The following MNAT1 variants were observed in gnomAD, a reference collection of about 807,000 sequenced individuals.
The protein encoded by MNAT1 is MNAT1 component of CDK activating kinase, also known as CDK-activating kinase assembly factor MAT1.
In MNAT1, 43 loss-of-function variants were observed where a neutral mutation model predicts 42.0. That is an observed-to-expected ratio of 1.02 (90% CI 0.80 to 1.32). MNAT1 has a LOEUF of 1.32. Among genes scored for constraint, MNAT1 ranks in the 40% most tolerant of loss-of-function variants. The pLI, the probability that MNAT1 is intolerant of heterozygous loss-of-function variation, is 0.00. For synonymous variants in MNAT1, 118 were observed against 120.0 expected, an observed-to-expected ratio of 0.98 and a Z score of 0.11; for missense variants, 306 against 350.4, an observed-to-expected ratio of 0.87 and a Z score of 1.01.
At chr14:60,938,736 G>A (rs955667802) in intron 7 of MNAT1, among the ~76,000 whole-genome samples, 3 of 152,166 alleles carry the variant, frequency 2.0e-5, no homozygotes, top group African/African-American at 7.2e-5. Flanking sequence ...TCAGGATGAT[G>A]CTGGCCTCAT....
In MNAT1 at chr14:60,772,879, C is replaced by A. The variant is rs542410383; in HGVS notation, c.90-23338C>A. 2.0e-5 allele frequency among the ~76,000 whole-genome samples: 3 copies of A among 150,520 alleles called. No homozygotes were observed. In the East Asian group the frequency reaches 5.8e-4, roughly 29 times the overall value. ...GCAAATGAAGTAAGGAAGGCAAAGT[C>A]CAAGAGCTGCTGTTTTTTTTTTTTA... On this transcript the variant is annotated intron_variant, in intron 1 of 7. Coordinates refer to ENST00000261245, the MANE Select transcript of MNAT1 (RefSeq NM_002431.4).
chr14:60,740,798 ACAAT>A lies in MNAT1; in HGVS notation c.89+5850_89+5853del, dbSNP rs1322843377. Among the ~76,000 whole-genome samples, 1 of 152,210 alleles carries A rather than the reference ACAAT, an allele frequency of 6.6e-6. No individual in the cohort carries two copies. The highest frequency in any genetic ancestry group is 2.4e-5 in the African/African-American group (1 of 41,450). On this transcript the variant is annotated intron_variant, in intron 1 of 7. Coordinates refer to ENST00000261245, the MANE Select transcript of MNAT1 (RefSeq NM_002431.4). This position sits in a 1 kb window ranked among gnomAD's most constrained non-coding sequence, Gnocchi z 4.1. ...TCCAGCATATGGCCTGTCTTTGTGA[ACAAT>A]CAGTGTACATTTGAAAAGAATATAC... is the stretch of plus-strand genomic sequence containing the variant.
intron 6 of MNAT1, among the ~76,000 whole-genome samples, chr14:60,833,851 G>A (rs1053871067): frequency 3.3e-5 from 5 of 152,158 alleles, no homozygotes; most frequent in African/African-American, 1.2e-4. Flanking sequence ...CTCCATTTCA[G>A]AACTTGTTGT....
In MNAT1 at chr14:60,936,733, A is replaced by ATAT. The variant is rs563446201; in HGVS notation, c.810-31495_810-31493dup. On this transcript the variant is annotated intron_variant, in intron 7 of 7. Transcript: ENST00000261245. ...CAGCATGATTTATAATCCTTTGGGT[A>ATAT]TATACCCAGTAATGGGATTGCTGGG... Among the ~76,000 whole-genome samples the ATAT allele has an allele frequency of 1.8e-4, 27 of 152,316 alleles. No individual in the cohort carries two copies. In the East Asian group the frequency reaches 5.0e-3, roughly 28 times the overall value.
chr14:60,902,312 G>C lies in MNAT1; in HGVS notation c.809+22477G>C, dbSNP rs1193972873. Among the ~76,000 whole-genome samples, 3 of 152,192 alleles carry C rather than the reference G, an allele frequency of 2.0e-5. No individual in the cohort carries two copies. The East Asian group carries it at 5.8e-4, about 29-fold the overall frequency. On this transcript the variant is annotated intron_variant, in intron 7 of 7. Transcript: ENST00000261245. Reference sequence around the variant, plus strand: ...TCACAGCAATGAAGACTGTCAAATTGATGGTCCTATTTATACCCAAGGACT... The same window carrying C: ...TCACAGCAATGAAGACTGTCAAATTCATGGTCCTATTTATACCCAAGGACT...
intron 1 of MNAT1, among the ~76,000 whole-genome samples, chr14:60,773,634 T>A (rs2031146092): frequency 6.6e-6 from 1 of 152,144 alleles, no homozygotes; most frequent in African/African-American, 2.4e-5. Flanking sequence ...GGCTAGACAG[T>A]AATGTAAGAG....
chr14:60,820,276 C>T (rs895615274), intron 6 of MNAT1, among the ~76,000 whole-genome samples: 1 of 151,950 alleles, frequency 6.6e-6, no homozygotes, highest in African/African-American at 2.4e-5. Context: ...TATGCAAGAA[C>T]GAATGCCTCA....
chr14:60,911,963 T>C lies in MNAT1; in HGVS notation c.809+32128T>C, dbSNP rs1273682892. 3.3e-5 allele frequency among the ~76,000 whole-genome samples: 5 copies of C among 152,182 alleles called. No individual in the cohort carries two copies. The East Asian group carries it at 9.6e-4, about 29-fold the overall frequency. ...ATTATTGTGTGGGAGTCTAAGTCTC[T>C]TTCTAGGTCTCTAAGGACTTGCTTT... On this transcript the variant is annotated intron_variant, in intron 7 of 7. Coordinates refer to ENST00000261245, the MANE Select transcript of MNAT1 (RefSeq NM_002431.4).
chr14:60,952,517 A>T (rs1203914923), intron 7 of MNAT1, among the ~76,000 whole-genome samples: 2 of 152,192 alleles, frequency 1.3e-5, no homozygotes, highest in African/African-American at 4.8e-5. Context: ...TGTGAGAGGT[A>T]AATAGATGTT....
intron 7 of MNAT1, among the ~76,000 whole-genome samples, chr14:60,906,323 A>G (rs2035197875): frequency 6.6e-6 from 1 of 152,182 alleles, no homozygotes; most frequent in African/African-American, 2.4e-5. Flanking sequence ...ACTTTGAAGG[A>G]GATGCGAAGT....
chr14:60,914,114 C>T (rs1391227496), intron 7 of MNAT1, among the ~76,000 whole-genome samples: 2 of 152,176 alleles, frequency 1.3e-5, no homozygotes, highest in Non-Finnish European at 2.9e-5. Context: ...GGGCGTAGGA[C>T]CCTCCGAGCC....
At chr14:60,872,824 T>TCACACA (rs1238803348) in intron 6 of MNAT1, among the ~76,000 whole-genome samples, 3 of 146,062 alleles carry the variant, frequency 2.1e-5, no homozygotes, top group African/African-American at 5.3e-5. Context: ...TGGTATTACA[T>TCACACA]CACACACACA....
chr14:60,843,302 G>A (rs2033597628), intron 6 of MNAT1, among the ~76,000 whole-genome samples: 1 of 151,684 alleles, frequency 6.6e-6, no homozygotes, highest in Non-Finnish European at 1.5e-5. Flanking sequence ...ATGGAGTCTC[G>A]CTCTGTCGCC....
chr14:60,848,206 T>C (rs2033728775), intron 6 of MNAT1, among the ~76,000 whole-genome samples: 1 of 152,208 alleles, frequency 6.6e-6, no homozygotes, highest in Non-Finnish European at 1.5e-5. Context: ...GTTTTTCTTT[T>C]AGCCGTTTGA....
intron 6 of MNAT1, among the ~76,000 whole-genome samples, chr14:60,855,108 C>A (rs2033922515): frequency 1.3e-5 from 2 of 152,204 alleles, no homozygotes; most frequent in Non-Finnish European, 2.9e-5. Flanking sequence ...GTCTCCTTAA[C>A]ACTGTCAGGG....
intron 6 of MNAT1, among the ~76,000 whole-genome samples, chr14:60,858,167 T>A (rs1235954213): frequency 2.0e-5 from 3 of 152,218 alleles, no homozygotes; most frequent in Non-Finnish European, 4.4e-5. Context: ...TCCACAATGG[T>A]TAAACTAATT....
In MNAT1 at chr14:60,811,333, C is replaced by T. The variant is rs534440623; in HGVS notation, c.421-654C>T. Among the ~76,000 whole-genome samples, 6 of 145,014 alleles carry T rather than the reference C, an allele frequency of 4.1e-5. 1 individual carries two copies. The South Asian group carries it at 8.8e-4, about 21-fold the overall frequency. On this transcript the variant is annotated intron_variant, in intron 4 of 7. Transcript: ENST00000261245. ...TTTTTTTTTTTTTGAGATGGAACCT[C>T]GCCCTGTTGCCCAGGCTGGAGTGTA...
chr14:60,926,131 C>A (rs565506840), intron 7 of MNAT1, among the ~76,000 whole-genome samples: 1 of 152,140 alleles, frequency 6.6e-6, no homozygotes, highest in Non-Finnish European at 1.5e-5. Context: ...AAACTCATTA[C>A]CTCAGAAATC....
chr14:60,747,142 G>A (rs1044867840), intron 1 of MNAT1, among the ~76,000 whole-genome samples: 1 of 150,748 alleles, frequency 6.6e-6, no homozygotes, highest in Non-Finnish European at 1.5e-5. Context: ...CCGCCACCAC[G>A]CCCGGCTAAT....
Sources: gnomAD v4.1 joint callset for allele counts (sites outside exome capture counted in the v4.1 genomes callset) on GRCh38, gnomAD v4.1.1 for gene constraint, Gnocchi (gnomAD v3.1) non-coding constraint, MANE v1.5 for transcripts, NCBI Gene and HGNC (gene_info 2026-07-23, HGNC 2026-07-21) for gene names.